Variants in PLVAP observed in about 807,000 individuals in gnomAD.
The protein encoded by PLVAP is plasmalemma vesicle-associated protein.
Under a neutral mutation model 43.1 loss-of-function variants are expected in PLVAP, and 34 were observed. The ratio of observed to expected loss-of-function variants is 0.79; its 90% confidence interval spans 0.60 to 1.05. The LOEUF is 1.05. Among genes scored for constraint, PLVAP ranks in the 50% least tolerant of loss-of-function variants. PLVAP has a pLI of 0.00. For synonymous variants in PLVAP, 241 were observed against 237.3 expected, an observed-to-expected ratio of 1.02 and a Z score of -0.14; for missense variants, 574 against 593.4, an observed-to-expected ratio of 0.97 and a Z score of 0.34.
At position 17,376,770 on chromosome 19, in the gene PLVAP, C is replaced by T. The variant is rs1049080476; in HGVS notation, c.369+150G>A. ...CCGAGATTGCACCACTGCACTCCAG[C>T]CTGGGAGACGGAGCGAGACTCTGTC... On this transcript the variant is annotated intron_variant, in intron 1 of 5. Coordinates refer to ENST00000252590, the MANE Select transcript of PLVAP (RefSeq NM_031310.3). 28 of 858,552 alleles carry T rather than the reference C, an allele frequency of 3.3e-5. No homozygotes were observed. In the South Asian group the frequency reaches 4.8e-4, roughly 15 times the overall value. The allele number at this position is 858,552 out of a possible 1,614,324, so 53.2% of individuals were successfully genotyped here. A position where few individuals can be genotyped will look rare whatever the true frequency, so the allele number is the denominator to read the frequency against.
Position 17,377,014 on chromosome 19 carries a change from G to C in PLVAP, c.275C>G (p.Thr92Ser). ...SNLTKELNFTTRAKDAIMQMW... is the reference protein window; with the variant it reads ...SNLTKELNFTSRAKDAIMQMW... Reference sequence around the variant, plus strand: ...CTGCATGATGGCATCCTTGGCGCGGGTGGTGAAGTTGAGCTCCTTGGTCAA... The same window carrying C: ...CTGCATGATGGCATCCTTGGCGCGGCTGGTGAAGTTGAGCTCCTTGGTCAA... The change falls in exon 1 of 6, where the codon ACC (threonine) becomes AGC (serine). Residue 92 changes from threonine (T) to serine (S), a missense_variant. Coordinates refer to ENST00000252590, the MANE Select transcript of PLVAP (RefSeq NM_031310.3). 1 of 1,614,182 alleles carries C rather than the reference G, an allele frequency of 6.2e-7. No individual in the cohort carries two copies. Among genetic ancestry groups the C allele is most frequent in the Non-Finnish European group, 8.5e-7 (1 of 1,180,032 alleles).
In PLVAP at chr19:17,377,013, G is replaced by A. The variant is rs1281338989; in HGVS notation, c.276C>T (p.Thr92=). The A allele has an allele frequency of 2.5e-6, 4 of 1,614,026 alleles. No homozygotes were observed. The highest frequency in any genetic ancestry group is 1.3e-5 in the African/African-American group (1 of 74,932). ...SNLTKELNFT[T]RAKDAIMQMW... ...TCTGCATGATGGCATCCTTGGCGCG[G>A]GTGGTGAAGTTGAGCTCCTTGGTCA... Residue 92 remains threonine, a synonymous_variant, in exon 1 of 6, where the codon ACC becomes ACT. Coordinates refer to ENST00000252590, the MANE Select transcript of PLVAP (RefSeq NM_031310.3).
intron 1 of PLVAP, among the ~76,000 whole-genome samples, chr19:17,372,906 CA>C (rs200158805): frequency 6.9e-4 from 100 of 144,816 alleles, no homozygotes; most frequent in African/African-American, 2.2e-3. Context: ...ACTAAAAATA[CA>C]AAAAAAAAAT....
chr19:17,351,930 C>T lies in PLVAP; in HGVS notation c.*432G>A, dbSNP rs982560015. 1 of 232,580 alleles carries T rather than the reference C, an allele frequency of 4.3e-6. No individual in the cohort carries two copies. Among genetic ancestry groups the T allele is most frequent in the Middle Eastern group, 1.7e-3 (1 of 596 alleles). The allele number at this position is 232,580 out of a possible 1,614,324, so 14.4% of individuals were successfully genotyped here. On this transcript the variant is annotated 3_prime_UTR_variant, in exon 6 of 6. Transcript: ENST00000252590. ...ATCATCACCGTCTGTGTGATGCCAT[C>T]GCCGCGTCTGTGTGACATTAATATG... is the stretch of plus-strand genomic sequence containing the variant.
Position 17,360,534 on chromosome 19 carries a change from G to T in PLVAP, c.1316C>A (p.Pro439Gln). The T allele has an allele frequency of 1.2e-6, 2 of 1,613,948 alleles. No homozygotes were observed. The highest frequency in any genetic ancestry group is 8.5e-7 in the Non-Finnish European group (1 of 1,179,814). ...AGTCTGCCCAGTGCCTTACCTGGATGGGGCTACAGGGATGCCTGCAGGGGG... is the reference window on the plus strand; with the variant it reads ...AGTCTGCCCAGTGCCTTACCTGGATTGGGCTACAGGGATGCCTGCAGGGGG... ...QRPPAGIPVA[P>Q]SSG The change falls in exon 5 of 6, where the codon CCA (proline) becomes CAA (glutamine). Residue 439 changes from proline (P) to glutamine (Q), a missense_variant. Physicochemically the swap from Pro to Gln is moderately conservative, Grantham distance 76. Coordinates refer to ENST00000252590, the MANE Select transcript of PLVAP (RefSeq NM_031310.3).
intron 3 of PLVAP, among the ~76,000 whole-genome samples, chr19:17,364,764 C>CT (rs71162109): frequency 0.011 from 928 of 87,358 alleles, 91 homozygotes; most frequent in African/African-American, 0.013. Context: ...TAATTCCAGT[C>CT]TTTTTTTTTT....
At chr19:17,354,321 G>T (rs12462345) in intron 5 of PLVAP, among the ~76,000 whole-genome samples, 31,778 of 151,940 alleles carry the variant, frequency 0.21, 3,884 homozygotes, top group East Asian at 0.35. Context: ...ATAATGCCAG[G>T]CGCAGTGGCT....
In PLVAP at chr19:17,376,676, T is replaced by C. The variant is rs544075064; in HGVS notation, c.369+244A>G. ...AGCCGGTTATGATGGCACATGCCTG[T>C]AATCCCAGCTACTCGGGAGGCTGAG... On this transcript the variant is annotated intron_variant, in intron 1 of 5. Coordinates refer to ENST00000252590, the MANE Select transcript of PLVAP (RefSeq NM_031310.3). 5.3e-5 allele frequency among the ~76,000 whole-genome samples: 8 copies of C among 152,214 alleles called. No individual in the cohort carries two copies. The East Asian group carries it at 1.5e-3, about 29-fold the overall frequency.
intron 1 of PLVAP, among the ~76,000 whole-genome samples, chr19:17,375,872 C>T (rs1208798583): frequency 8.2e-6 from 1 of 122,040 alleles, no homozygotes; most frequent in African/African-American, 3.4e-5. Flanking sequence ...CAGAGCGAGA[C>T]TCCGTCTCAA....
At position 17,366,102 on chromosome 19, in the gene PLVAP, C is replaced by A; in HGVS notation, c.463G>T (p.Asp155Tyr). ...TCCCTGCAGCCTTAGCACTCACCAT[C>A]GCAGCTCTTGTTCATGTCCTTGAAT... The part of the protein sequence containing the change: ...DQFKDMNKSC[D>Y]ALLFMLNQKV... The change falls in exon 2 of 6, where the codon GAT becomes TAT. Residue 155 changes from aspartate (D) to tyrosine (Y), a missense_variant. Asp to Tyr is a radical substitution (Grantham distance 160). Transcript: ENST00000252590. The A allele has an allele frequency of 6.2e-7, 1 of 1,614,102 alleles. No homozygotes were observed. The highest frequency in any genetic ancestry group is 8.5e-7 in the Non-Finnish European group (1 of 1,180,014).
chr19:17,353,094 C>A (rs2074492731), intron 5 of PLVAP, among the ~76,000 whole-genome samples: 1 of 152,222 alleles, frequency 6.6e-6, no homozygotes, highest in Non-Finnish European at 1.5e-5. Flanking sequence ...TGGCTTAGAG[C>A]CTGTTTCCTG....
intron 1 of PLVAP, among the ~76,000 whole-genome samples, chr19:17,367,372 G>A (rs1281279196): frequency 1.4e-5 from 2 of 146,472 alleles, no homozygotes; most frequent in African/African-American, 2.6e-5. Context: ...GTGCCACCAC[G>A]CCTGACTGAT....
In PLVAP at chr19:17,351,933, C is replaced by T. The variant is rs976009215; in HGVS notation, c.*429G>A. ...ATCACCGTCTGTGTGATGCCATCGC[C>T]GCGTCTGTGTGACATTAATATGTGT... On this transcript the variant is annotated 3_prime_UTR_variant, in exon 6 of 6. Transcript: ENST00000252590. 9 of 234,326 alleles carry T rather than the reference C, an allele frequency of 3.8e-5. No individual in the cohort carries two copies. The highest frequency in any genetic ancestry group is 1.0e-4 in the Admixed American group (2 of 20,056). The allele number at this position is 234,326 out of a possible 1,614,324, so 14.5% of individuals were successfully genotyped here. A position where few individuals can be genotyped will look rare whatever the true frequency, so the allele number is the denominator to read the frequency against.
At chr19:17,360,470 G>A in intron 5 of PLVAP, 58 bp downstream of exon 5, 3 of 1,544,228 alleles carry the variant, frequency 1.9e-6, no homozygotes, top group South Asian at 2.2e-5. Flanking sequence ...CTCAGTCCTG[G>A]TCCTAGCTTT....
intron 3 of PLVAP, among the ~76,000 whole-genome samples, chr19:17,361,808 G>T (rs909727093): frequency 6.6e-6 from 1 of 151,976 alleles, no homozygotes; most frequent in Non-Finnish European, 1.5e-5. Context: ...GGTGGCTCAC[G>T]CCCGTAATCC....
rs1265269442 is a variant in PLVAP, at chr19:17,377,158, A to C, written c.131T>G (p.Val44Gly). 6.2e-7 allele frequency: 1 copy of C among 1,614,118 alleles called. No individual in the cohort carries two copies. The highest frequency in any genetic ancestry group is 1.7e-5 in the Admixed American group (1 of 60,012). ...CACGTTGCCATAGACCATGAAGAGC[A>C]CGAGCCCCAGGATGATGAGGAATTG... ...LIQFLIILGL[V>G]LFMVYGNVHV... The change falls in exon 1 of 6, where the codon GTG (valine) becomes GGG (glycine). Residue 44 changes from valine (V) to glycine (G), a missense_variant. Physicochemically the swap from Val to Gly is moderately radical, Grantham distance 109. Coordinates refer to ENST00000252590, the MANE Select transcript of PLVAP (RefSeq NM_031310.3).
chr19:17,355,529 ATTTTTTT>A (rs71162107), intron 5 of PLVAP, among the ~76,000 whole-genome samples: 2 of 129,964 alleles, frequency 1.5e-5, no homozygotes, highest in South Asian at 5.1e-4. Context: ...TGCCTGGTTA[ATTTTTTT>A]TTTTTTTTTT....
intron 3 of PLVAP, among the ~76,000 whole-genome samples, chr19:17,361,833 G>A (rs1294913912): frequency 6.6e-6 from 1 of 152,066 alleles, no homozygotes; most frequent in Non-Finnish European, 1.5e-5. Flanking sequence ...ACTTTGGGAA[G>A]CCGAGGTGGG....
chr19:17,355,441 C>T (rs1231976969), intron 5 of PLVAP, among the ~76,000 whole-genome samples: 1 of 151,810 alleles, frequency 6.6e-6, no homozygotes, highest in Non-Finnish European at 1.5e-5. Context: ...TAGCTCACTG[C>T]AGCCTTGAAC....
Sources: gnomAD v4.1 joint callset for allele counts (sites outside exome capture counted in the v4.1 genomes callset) on GRCh38, gnomAD v4.1.1 for gene constraint, MANE v1.5 for transcripts, NCBI Gene and HGNC (gene_info 2026-07-23, HGNC 2026-07-21) for gene names.